SLCO1B3: variants seen among roughly 807,000 people sequenced by gnomAD.
SLCO1B3 encodes liver-specific organic anion transporter 2.
A neutral mutation model predicts 71.8 loss-of-function variants in SLCO1B3; 72 were observed. The ratio of observed to expected loss-of-function variants is 1.00; its 90% CI spans 0.83 to 1.22. SLCO1B3 has a LOEUF of 1.22. Among genes scored for constraint, SLCO1B3 ranks in the 50% most tolerant of loss-of-function variants. The probability of loss-of-function intolerance (pLI) is 0.00; values close to 1 mark genes in which losing one functional copy is unlikely to be tolerated. For synonymous variants in SLCO1B3, 298 were observed against 278.4 expected, an observed-to-expected ratio of 1.07 and a Z score of -0.70; for missense variants, 911 against 819.7, an observed-to-expected ratio of 1.11 and a Z score of -1.36.
At chr12:20,858,692 T>G in intron 5 of SLCO1B3, 121 bp downstream of exon 5, 2 of 850,072 alleles carry the variant, frequency 2.4e-6, no homozygotes, top group Non-Finnish European at 3.6e-6. Context: ...TAGGTATGCA[T>G]AGAGAAATGG....
Position 20,901,456 on chromosome 12 carries a change from C to T in SLCO1B3, c.1854C>T (p.Ser618=), listed in dbSNP as rs551215380. The T allele has an allele frequency of 2.4e-5, 36 of 1,526,064 alleles. No individual in the cohort carries two copies. Among genetic ancestry groups the T allele is most frequent in the South Asian group, 2.1e-4 (16 of 77,446 alleles). The allele number at this position is 1,526,064 out of a possible 1,614,324, so 94.5% of individuals were successfully genotyped here. ...GAQGACRIYN[S]VFFGRVYLGL... is the part of the protein sequence containing the mutation. ...AAGGGGCTTGTAGGATATATAATTC[C>T]GTATTTTTTGGGTAAGTTGTCGTAA... is the stretch of plus-strand genomic sequence containing the variant. Residue 618 remains serine, a synonymous_variant, in exon 15 of 16, where the codon TCC becomes TCT. Transcript: ENST00000381545.
chr12:20,819,758 G>C (rs1211309702), intron 3 of SLCO1B3, among the ~76,000 whole-genome samples: 1 of 152,132 alleles, frequency 6.6e-6, no homozygotes. Flanking sequence ...TGGGATATTG[G>C]CACTGAGCGG....
intron 3 of SLCO1B3, among the ~76,000 whole-genome samples, chr12:20,836,280 A>G (rs949283826): frequency 6.6e-6 from 1 of 152,228 alleles, no homozygotes; most frequent in Non-Finnish European, 1.5e-5. Flanking sequence ...AATTAAGTTT[A>G]TGTGATAGAT....
intron 3 of SLCO1B3, among the ~76,000 whole-genome samples, chr12:20,831,614 G>A (rs1399078813): frequency 1.3e-5 from 2 of 152,080 alleles, no homozygotes; most frequent in African/African-American, 4.8e-5. Context: ...AAAATGTAAT[G>A]CGATAAAATT....
At chr12:20,891,585 GT>G (rs1337536447) in intron 13 of SLCO1B3, among the ~76,000 whole-genome samples, 1 of 152,072 alleles carries the variant, frequency 6.6e-6, no homozygotes, top group East Asian at 1.9e-4. Context: ...AGTCAGGGAA[GT>G]TTTTGGGAGT....
intron 15 of SLCO1B3, among the ~76,000 whole-genome samples, chr12:20,908,285 T>C (rs985083247): frequency 6.6e-6 from 1 of 152,234 alleles, no homozygotes; most frequent in Non-Finnish European, 1.5e-5. Flanking sequence ...TTCCCATATC[T>C]TGCCTGCTCC....
intron 8 of SLCO1B3, among the ~76,000 whole-genome samples, chr12:20,871,292 T>C (rs1865471045): frequency 6.6e-6 from 1 of 152,208 alleles, no homozygotes; most frequent in Non-Finnish European, 1.5e-5. Context: ...AATTATCTGA[T>C]AGTTTCTGAA....
chr12:20,893,122 A>G (rs1255482414), intron 13 of SLCO1B3, among the ~76,000 whole-genome samples: 1 of 152,140 alleles, frequency 6.6e-6, no homozygotes, highest in Non-Finnish European at 1.5e-5. Context: ...CAGATATATT[A>G]AAGGGAGTAA....
intron 10 of SLCO1B3, among the ~76,000 whole-genome samples, chr12:20,878,484 G>T (rs1865627862): frequency 6.6e-6 from 1 of 152,078 alleles, no homozygotes; most frequent in African/African-American, 2.4e-5. Flanking sequence ...TCTCATTAAG[G>T]AAAGGTTATC....
At chr12:20,896,886 G>T (rs746692582) in intron 13 of SLCO1B3, among the ~76,000 whole-genome samples, 1 of 152,146 alleles carries the variant, frequency 6.6e-6, no homozygotes, top group Non-Finnish European at 1.5e-5. Context: ...AATCATGGTC[G>T]AAGGCAAGGA....
intron 3 of SLCO1B3, among the ~76,000 whole-genome samples, chr12:20,833,517 A>C (rs12825751): frequency 1.5e-4 from 23 of 148,598 alleles, no homozygotes; most frequent in Admixed American, 1.1e-3. Context: ...CTATGTATGT[A>C]TATACATATA....
chr12:20,879,199 TTCTC>T (rs1310335706), intron 10 of SLCO1B3, among the ~76,000 whole-genome samples: 1 of 115,356 alleles, frequency 8.7e-6, no homozygotes, highest in African/African-American at 2.8e-5. Flanking sequence ...TGTGCCACCC[TTCTC>T]TCTTTTTTTT....
chr12:20,902,198 T>C (rs956194625), intron 15 of SLCO1B3: 4 of 174,822 alleles, frequency 2.3e-5, no homozygotes, highest in Non-Finnish European at 2.4e-5. Flanking sequence ...ATAGGACTGA[T>C]GGGTTGAATG....
At chr12:20,912,281 T>G (rs1866394860) in intron 15 of SLCO1B3, among the ~76,000 whole-genome samples, 1 of 150,734 alleles carries the variant, frequency 6.6e-6, no homozygotes, top group Non-Finnish European at 1.5e-5. Flanking sequence ...TCTTTCAAAT[T>G]TCTTCTATTT....
Position 20,875,448 on chromosome 12 carries a change from A to G in SLCO1B3, c.941A>G (p.Gln314Arg). The G allele has an allele frequency of 1.2e-6, 2 of 1,602,170 alleles. No homozygotes were observed. Among genetic ancestry groups the G allele is most frequent in the South Asian group, 1.1e-5 (1 of 87,876 alleles). Residue 314 changes from glutamine to arginine, a missense_variant, in exon 9 of 16, where the codon CAA becomes CGA. Transcript: ENST00000381545. ...DRNQTANLTN[Q>R]GKNVTKNVTG... ...AATCAAACAGCTAATTTGACCAACC[A>G]AGGAAAAAATGTTACCAAAAATGTG...
Position 20,898,332 on chromosome 12 carries a change from T to C in SLCO1B3, c.1683-104T>C. The C allele has an allele frequency of 5.4e-6, 4 of 734,528 alleles. No homozygotes were observed. In the South Asian group the frequency reaches 6.3e-5, roughly 11 times the overall value. 45.5% of individuals were successfully genotyped at this position (734,528 alleles called of 1,614,324 possible). ...AACGTGGGAAATTCACTTAAGAGTATTCATTCTACCAGGGAGAGGAATGAT... is the reference window on the plus strand; with the variant it reads ...AACGTGGGAAATTCACTTAAGAGTACTCATTCTACCAGGGAGAGGAATGAT... On this transcript the variant is annotated intron_variant, in intron 13 of 15. Coordinates refer to ENST00000381545, the MANE Select transcript of SLCO1B3 (RefSeq NM_019844.4).
chr12:20,847,857 A>C (rs1864948329), intron 3 of SLCO1B3, among the ~76,000 whole-genome samples: 1 of 152,100 alleles, frequency 6.6e-6, no homozygotes, highest in Non-Finnish European at 1.5e-5. Context: ...GAACACCACA[A>C]ATTTGATGAA....
intron 14 of SLCO1B3, among the ~76,000 whole-genome samples, chr12:20,899,850 A>C (rs1565606963): frequency 6.6e-6 from 1 of 152,226 alleles, no homozygotes; most frequent in African/African-American, 2.4e-5. Context: ...TGTTATGTCC[A>C]ATATATGGCA....
At position 20,901,436 on chromosome 12, in the gene SLCO1B3, G is replaced by T. The variant is rs1866131796; in HGVS notation, c.1834G>T (p.Ala612Ser). The T allele has an allele frequency of 3.2e-6, 5 of 1,557,440 alleles. No homozygotes were observed. In the African/African-American group the frequency reaches 5.6e-5, roughly 17 times the overall value. Residue 612 changes from alanine to serine, a missense_variant, in exon 15 of 16, where the codon GCT becomes TCT. Transcript: ENST00000381545. ...WSTNSCGAQGACRIYNSVFFG... is the reference protein window; with the variant it reads ...WSTNSCGAQGSCRIYNSVFFG... Reference sequence around the variant, plus strand: ...CACCAACAGCTGTGGAGCACAAGGGGCTTGTAGGATATATAATTCCGTATT... The same window carrying T: ...CACCAACAGCTGTGGAGCACAAGGGTCTTGTAGGATATATAATTCCGTATT...
Sources: allele counts gnomAD v4.1 joint callset (sites outside exome capture counted in the v4.1 genomes callset), GRCh38; gene constraint gnomAD v4.1.1; transcripts MANE v1.5; gene names NCBI Gene and HGNC (gene_info 2026-07-23, HGNC 2026-07-21).